The following ADIPOR2 variants were observed in gnomAD, a reference collection of about 807,000 sequenced individuals.
ADIPOR2 encodes adiponectin receptor 2.
ADIPOR2 carries 18 observed loss-of-function variants against 40.9 expected under a neutral mutation model. That is an observed-to-expected ratio of 0.44 (90% CI 0.30 to 0.65). The LOEUF is 0.65. ADIPOR2 is among the 30% of genes least tolerant of loss of function. The pLI is 0.09. For synonymous variants in ADIPOR2, 165 were observed against 166.4 expected (o/e 0.99, Z 0.06); for missense variants, 283 against 479.2 (o/e 0.59, Z 3.82).
At chr12:1,758,452 T>C (rs1862195187) in intron 2 of ADIPOR2, among the ~76,000 whole-genome samples, 1 of 152,214 alleles carries the variant, frequency 6.6e-6, no homozygotes, top group Non-Finnish European at 1.5e-5. Flanking sequence ...TTCCTCAATT[T>C]ACCAGTGAGG....
intron 1 of ADIPOR2, among the ~76,000 whole-genome samples, chr12:1,707,780 C>T (rs985517077): frequency 2.0e-5 from 3 of 152,134 alleles, no homozygotes; most frequent in African/African-American, 7.2e-5. Context: ...GCCTTATTTG[C>T]ATTTTTCTGA....
intron 7 of ADIPOR2, among the ~76,000 whole-genome samples, chr12:1,785,040 A>G (rs1862798809): frequency 1.3e-5 from 2 of 152,096 alleles, no homozygotes; most frequent in Admixed American, 1.3e-4. Context: ...TTTGCCCTTT[A>G]TCCCCTTTCT....
chr12:1,733,204 T>C (rs1592596772), intron 1 of ADIPOR2, among the ~76,000 whole-genome samples: 1 of 152,368 alleles, frequency 6.6e-6, no homozygotes, highest in East Asian at 1.9e-4. Context: ...AATCACTGTT[T>C]GCTATCTGAA....
intron 1 of ADIPOR2, among the ~76,000 whole-genome samples, chr12:1,721,174 A>C (rs938302035): frequency 2.8e-5 from 4 of 142,182 alleles, no homozygotes; most frequent in Admixed American, 7.3e-5. Flanking sequence ...GTGTCATGGG[A>C]GCGTCCTCAA....
At chr12:1,780,738 G>A (rs533461747) in intron 5 of ADIPOR2, 101 bp downstream of exon 5, 2 of 1,397,406 alleles carry the variant, frequency 1.4e-6, no homozygotes, top group East Asian at 2.4e-5. Flanking sequence ...ATCATCTCAT[G>A]CAAACTTTTT....
chr12:1,699,920 ATAT>A (rs1190461130), intron 1 of ADIPOR2, among the ~76,000 whole-genome samples: 1 of 152,210 alleles, frequency 6.6e-6, no homozygotes, highest in Non-Finnish European at 1.5e-5. Context: ...TTGGCCAATG[ATAT>A]TATAGATTGG....
At chr12:1,778,906 C>T in intron 4 of ADIPOR2, among the ~76,000 whole-genome samples, 1 of 151,786 alleles carries the variant, frequency 6.6e-6, no homozygotes, top group Middle Eastern at 3.2e-3. Context: ...GGCCAATAAG[C>T]ACATGAAAAG....
chr12:1,740,980 G>A (rs12316367), intron 1 of ADIPOR2, among the ~76,000 whole-genome samples: 61,078 of 152,084 alleles, frequency 0.4, 14,049 homozygotes, highest in Non-Finnish European at 0.53. Context: ...GTAAGGGATA[G>A]CTAGCTAGTT....
intron 2 of ADIPOR2, among the ~76,000 whole-genome samples, chr12:1,763,989 AT>A (rs2154443871): frequency 2.0e-5 from 3 of 152,320 alleles, no homozygotes; most frequent in African/African-American, 7.2e-5. Context: ...AAAACAAAAA[AT>A]TACACATATA....
intron 1 of ADIPOR2, among the ~76,000 whole-genome samples, chr12:1,692,114 T>G (rs2094628404): frequency 6.8e-6 from 1 of 147,806 alleles, no homozygotes; most frequent in African/African-American, 2.5e-5. Flanking sequence ...CCCCTTCCCC[T>G]CACCCAGAGA....
intron 1 of ADIPOR2, among the ~76,000 whole-genome samples, chr12:1,740,779 CAA>C (rs2094741288): frequency 6.6e-6 from 1 of 152,072 alleles, no homozygotes; most frequent in Non-Finnish European, 1.5e-5. Context: ...ACGAGACAAA[CAA>C]GATTTGACAC....
intron 1 of ADIPOR2, among the ~76,000 whole-genome samples, chr12:1,727,294 G>C (rs551648051): frequency 2.2e-4 from 33 of 152,162 alleles, no homozygotes; most frequent in Non-Finnish European, 4.3e-4. Flanking sequence ...CTTTATTATT[G>C]TCAAGGGGAA....
intron 1 of ADIPOR2, among the ~76,000 whole-genome samples, chr12:1,694,886 C>T (rs1565627453): frequency 6.6e-6 from 1 of 152,092 alleles, no homozygotes; most frequent in Non-Finnish European, 1.5e-5. Context: ...CCTTCCCTTC[C>T]CTCGTTTCTC....
intron 1 of ADIPOR2, among the ~76,000 whole-genome samples, chr12:1,725,601 A>G (rs907454890): frequency 2.0e-5 from 3 of 152,242 alleles, no homozygotes; most frequent in Admixed American, 2.0e-4. Context: ...CAAGTATGGT[A>G]GGGTAATAAA....
chr12:1,757,357 A>G, intron 2 of ADIPOR2: 2 of 701,530 alleles, frequency 2.9e-6, no homozygotes, highest in Non-Finnish European at 2.6e-6. Flanking sequence ...AAAATGTTGG[A>G]AAGTTGAGTG....
At chr12:1,780,842 T>C (rs756480719) in intron 5 of ADIPOR2, 47 bp from the exon 6 acceptor site, 1 of 1,504,054 alleles carries the variant, frequency 6.6e-7, no homozygotes, top group Non-Finnish European at 8.9e-7. Context: ...TAGTGGCCAG[T>C]AGTTTTTAAA....
chr12:1,735,277 G>A (rs565036877), intron 1 of ADIPOR2, among the ~76,000 whole-genome samples: 126 of 152,270 alleles, frequency 8.3e-4, no homozygotes, highest in Non-Finnish European at 1.4e-3. Context: ...TCATTGAGCA[G>A]CGGTTTGTAG....
intron 2 of ADIPOR2, among the ~76,000 whole-genome samples, chr12:1,772,273 C>T (rs893907783): frequency 1.1e-4 from 17 of 152,238 alleles, no homozygotes; most frequent in Admixed American, 2.0e-4. Flanking sequence ...ACTTACTTAA[C>T]TTCTTTGCCT....
chr12:1,699,197 G>T (rs1341519580), intron 1 of ADIPOR2, among the ~76,000 whole-genome samples: 2 of 152,140 alleles, frequency 1.3e-5, no homozygotes, highest in Non-Finnish European at 1.5e-5. Context: ...ATAGCAGGTG[G>T]TAAGTAAATG....
Sources: allele counts gnomAD v4.1 joint callset (sites outside exome capture counted in the v4.1 genomes callset), GRCh38; gene constraint gnomAD v4.1.1; transcripts MANE v1.5; gene names NCBI Gene and HGNC (gene_info 2026-07-23, HGNC 2026-07-21).